SPAG16: variants seen among roughly 807,000 people sequenced by gnomAD.
SPAG16 encodes sperm associated antigen 16, also known as sperm-associated antigen 16 protein.
In SPAG16, 86 loss-of-function variants were observed where a neutral mutation model predicts 80.4. The observed-to-expected ratio is 1.07, with a 90% CI of 0.90 to 1.28. SPAG16 has a LOEUF of 1.28. Among genes scored for constraint, SPAG16 ranks in the 50% most tolerant of loss-of-function variants. The pLI, the probability that SPAG16 is intolerant of heterozygous loss-of-function variation, is 0.00. For missense variants in SPAG16, 870 were observed against 765.3 expected (o/e 1.14, Z -1.61); for synonymous variants, 294 against 265.9 (o/e 1.11, Z -1.03).
At chr2:213,931,487 T>C (rs1285660116) in intron 12 of SPAG16, among the ~76,000 whole-genome samples, 2 of 152,202 alleles carry the variant, frequency 1.3e-5, no homozygotes, top group Non-Finnish European at 2.9e-5. Flanking sequence ...TTAATGGAAT[T>C]TTAGCACTAG....
intron 1 of SPAG16, among the ~76,000 whole-genome samples, chr2:213,293,392 A>G (rs2062375238): frequency 6.6e-6 from 1 of 152,214 alleles, no homozygotes; most frequent in African/African-American, 2.4e-5. Flanking sequence ...CACACTGAGT[A>G]GACGTGACCC....
chr2:213,633,549 T>C (rs1339041974), intron 10 of SPAG16, among the ~76,000 whole-genome samples: 2 of 152,152 alleles, frequency 1.3e-5, no homozygotes, highest in Admixed American at 1.3e-4. Context: ...ATTTGGTCTA[T>C]AGTGCTGATT....
intron 10 of SPAG16, among the ~76,000 whole-genome samples, chr2:213,718,727 G>A (rs1404807498): frequency 2.6e-5 from 4 of 152,298 alleles, no homozygotes; most frequent in East Asian, 1.9e-4. Flanking sequence ...CTGCCTTCCC[G>A]CGGGGCAGGG....
At chr2:214,156,322 A>G (rs2056213077) in intron 15 of SPAG16, among the ~76,000 whole-genome samples, 1 of 152,150 alleles carries the variant, frequency 6.6e-6, no homozygotes, top group Admixed American at 6.5e-5. Context: ...GGCTGAATTT[A>G]GTTGTCACCA....
At chr2:213,522,072 G>T (rs2075697443) in intron 10 of SPAG16, among the ~76,000 whole-genome samples, 1 of 152,174 alleles carries the variant, frequency 6.6e-6, no homozygotes, top group Non-Finnish European at 1.5e-5. Flanking sequence ...ATATAAAGAG[G>T]TTCTAAAGAT....
At chr2:213,526,869 C>T (rs2075904198) in intron 10 of SPAG16, among the ~76,000 whole-genome samples, 1 of 152,028 alleles carries the variant, frequency 6.6e-6, no homozygotes, top group South Asian at 2.1e-4. Flanking sequence ...TCAAGAAGAC[C>T]TCATCATAAG....
At position 213,958,096 on chromosome 2, in the gene SPAG16, T is replaced by C. The variant is rs550048394; in HGVS notation, c.1400+27951T>C. 2.6e-5 allele frequency among the ~76,000 whole-genome samples: 4 copies of C among 152,240 alleles called. No homozygotes were observed. The South Asian group carries it at 8.3e-4, about 32-fold the overall frequency. On this transcript the variant is annotated intron_variant, in intron 12 of 15. Transcript: ENST00000331683. ...GAGGAAAGCCATCCAGGACACATGC[T>C]CACCTAGTGGGAGGGGAGCAAAAGA...
chr2:214,026,004 T>C (rs1203947423), intron 13 of SPAG16, among the ~76,000 whole-genome samples: 2 of 151,442 alleles, frequency 1.3e-5, no homozygotes, highest in Admixed American at 1.3e-4. Context: ...AAATTGACAA[T>C]GTAAGAAATG....
intron 13 of SPAG16, among the ~76,000 whole-genome samples, chr2:214,049,447 T>A (rs565050565): frequency 6.6e-6 from 1 of 152,248 alleles, no homozygotes; most frequent in South Asian, 2.1e-4. Flanking sequence ...CAGTGCTAGT[T>A]TGGAGAAAAT....
chr2:213,798,794 T>A (rs1575166880), intron 10 of SPAG16, among the ~76,000 whole-genome samples: 1 of 152,344 alleles, frequency 6.6e-6, no homozygotes, highest in African/African-American at 2.4e-5. Flanking sequence ...ATTTTTACAA[T>A]GGATGCCCAA....
intron 10 of SPAG16, among the ~76,000 whole-genome samples, chr2:213,687,828 T>A (rs188076368): frequency 6.7e-4 from 102 of 152,360 alleles, no homozygotes; most frequent in Middle Eastern, 3.4e-3. Flanking sequence ...TACTATTTCT[T>A]CATAATTTTT....
At chr2:214,410,071 T>C (rs1442866606) in intron 15 of SPAG16, 69 bp from the exon 16 acceptor site, 12 of 1,563,198 alleles carry the variant, frequency 7.7e-6, no homozygotes, top group African/African-American at 1.4e-5. Context: ...CTTCATTGCT[T>C]ATAAACTGTG....
intron 3 of SPAG16, among the ~76,000 whole-genome samples, chr2:213,303,926 ACT>A (rs1046088922): frequency 4.6e-5 from 7 of 151,788 alleles, no homozygotes; most frequent in Non-Finnish European, 8.8e-5. Context: ...ATATTAAATA[ACT>A]CTTACTTTTA....
At chr2:213,390,229 G>A (rs1575459277) in intron 9 of SPAG16, among the ~76,000 whole-genome samples, 1 of 152,112 alleles carries the variant, frequency 6.6e-6, no homozygotes, top group African/African-American at 2.4e-5. Context: ...AGGGCTGGGG[G>A]AGAGGGAATG....
intron 15 of SPAG16, among the ~76,000 whole-genome samples, chr2:214,400,961 C>G (rs1197549646): frequency 1.3e-5 from 2 of 151,878 alleles, no homozygotes; most frequent in African/African-American, 4.8e-5. Flanking sequence ...AAGTTAGGAC[C>G]CTTTAGCATT....
intron 10 of SPAG16, among the ~76,000 whole-genome samples, chr2:213,680,699 T>C (rs1283284884): frequency 6.6e-6 from 1 of 152,200 alleles, no homozygotes; most frequent in East Asian, 1.9e-4. Flanking sequence ...AGATTTATTC[T>C]GAACCAAATA....
chr2:214,251,991 G>A (rs1690323935), intron 15 of SPAG16, among the ~76,000 whole-genome samples: 1 of 152,060 alleles, frequency 6.6e-6, no homozygotes, highest in African/African-American at 2.4e-5. Flanking sequence ...CTGATGCTTT[G>A]AATATTATTA....
intron 15 of SPAG16, among the ~76,000 whole-genome samples, chr2:214,311,137 C>T (rs917209002): frequency 7.2e-5 from 8 of 111,488 alleles, no homozygotes; most frequent in Non-Finnish European, 1.1e-4. Context: ...CTTTGGAGAT[C>T]AGCACTGTTA....
At chr2:213,288,903 GTAT>G (rs2062160292) in intron 1 of SPAG16, among the ~76,000 whole-genome samples, 1 of 151,994 alleles carries the variant, frequency 6.6e-6, no homozygotes, top group African/African-American at 2.4e-5. Flanking sequence ...CATACCCCGT[GTAT>G]ATTCAAATGA....
Sources: allele counts gnomAD v4.1 joint callset (sites outside exome capture counted in the v4.1 genomes callset), GRCh38; gene constraint gnomAD v4.1.1; transcripts MANE v1.5; gene names NCBI Gene and HGNC (gene_info 2026-07-23, HGNC 2026-07-21).